The following ASIC2 variants were observed in gnomAD, a reference collection of about 807,000 sequenced individuals.
ASIC2 encodes acid sensing ion channel subunit 2.
In ASIC2, 25 loss-of-function variants were observed where a neutral mutation model predicts 57.3. That is an observed-to-expected ratio of 0.44 (90% CI 0.32 to 0.61). The LOEUF is 0.61. Ranked by LOEUF, ASIC2 falls within the 20% of genes least tolerant of loss-of-function variation. ASIC2 has a pLI of 0.06. For missense variants in ASIC2, 641 were observed against 738.1 expected, an observed-to-expected ratio of 0.87 and a Z score of 1.52; for synonymous variants, 319 against 307.5, an observed-to-expected ratio of 1.04 and a Z score of -0.39.
chr17:34,008,511 C>A (rs765873889), intron 1 of ASIC2, among the ~76,000 whole-genome samples: 1 of 152,144 alleles, frequency 6.6e-6, no homozygotes, highest in Non-Finnish European at 1.5e-5. Context: ...TCCCTACAAA[C>A]CATGCCATGA....
At chr17:34,053,625 G>A (rs1028664536) in intron 1 of ASIC2, among the ~76,000 whole-genome samples, 1 of 152,136 alleles carries the variant, frequency 6.6e-6, no homozygotes, top group Non-Finnish European at 1.5e-5. Context: ...TGTGTGACAG[G>A]TAAGATTTAA....
chr17:33,597,527 T>C (rs74467553), intron 1 of ASIC2, among the ~76,000 whole-genome samples: 732 of 152,314 alleles, frequency 4.8e-3, no homozygotes, highest in Middle Eastern at 0.01. Context: ...CTTAGCTTTT[T>C]TTTTCAAGAA....
At chr17:33,975,909 G>T (rs1462661127) in intron 1 of ASIC2, among the ~76,000 whole-genome samples, 1 of 151,888 alleles carries the variant, frequency 6.6e-6, no homozygotes, top group Middle Eastern at 3.4e-3. Context: ...CTCCTTTTAC[G>T]GTACCATGTT....
intron 1 of ASIC2, among the ~76,000 whole-genome samples, chr17:33,536,275 C>T (rs1247200212): frequency 6.6e-6 from 1 of 152,142 alleles, no homozygotes. Context: ...TTTCCTTTGC[C>T]CCCACATCCT....
At chr17:33,301,105 C>T (rs1045974946) in intron 1 of ASIC2, among the ~76,000 whole-genome samples, 2 of 151,986 alleles carry the variant, frequency 1.3e-5, no homozygotes, top group African/African-American at 2.4e-5. Context: ...TCTCGACTCA[C>T]GGCAACCTCC....
At chr17:34,039,735 A>G in intron 1 of ASIC2, 2 of 1,612,136 alleles carry the variant, frequency 1.2e-6, no homozygotes, top group Non-Finnish European at 1.7e-6. Flanking sequence ...CTTCTTTATC[A>G]CTCAAGGATC....
chr17:33,972,705 G>A (rs1905256499), intron 1 of ASIC2, among the ~76,000 whole-genome samples: 1 of 152,244 alleles, frequency 6.6e-6, no homozygotes, highest in Admixed American at 6.5e-5. Context: ...TATAAGACTA[G>A]CTCCTGCCAC....
chr17:33,047,560 G>A (rs942160807), intron 3 of ASIC2, among the ~76,000 whole-genome samples: 4 of 151,982 alleles, frequency 2.6e-5, no homozygotes, highest in Admixed American at 6.5e-5. Flanking sequence ...GGCTGGTCTC[G>A]AATTCCTGGG....
intron 1 of ASIC2, among the ~76,000 whole-genome samples, chr17:33,773,294 C>A (rs976677275): frequency 6.6e-6 from 1 of 151,994 alleles, no homozygotes; most frequent in Admixed American, 6.5e-5. Flanking sequence ...AAGGAAAGCA[C>A]TTGCAATAAG....
rs573136818 is a variant in ASIC2 at position 33,041,635 on chromosome 17, G to A, written c.988-13243C>T. On this transcript the variant is annotated intron_variant, in intron 3 of 9. Coordinates refer to ENST00000225823, the MANE Select transcript of ASIC2 (RefSeq NM_183377.2). ...CACTGGAATTGACAATTCCCCTTTG[G>A]CTAGGGCTGGCTTAAATGCTCCTTC... Among the ~76,000 whole-genome samples the A allele has an allele frequency of 3.1e-3, 471 of 152,322 alleles. 4 individuals are homozygous for A. Among genetic ancestry groups the A allele is most frequent in the African/African-American group, 0.011 (445 of 41,562 alleles).
intron 1 of ASIC2, chr17:34,005,693 A>G (rs1906502196): frequency 1.3e-5 from 2 of 152,246 alleles, no homozygotes; most frequent in South Asian, 2.1e-4. Context: ...TTAGTCTTCA[A>G]CATGTAAACC....
At chr17:33,535,636 A>G (rs1915206099) in intron 1 of ASIC2, among the ~76,000 whole-genome samples, 1 of 152,034 alleles carries the variant, frequency 6.6e-6, no homozygotes, top group Non-Finnish European at 1.5e-5. Context: ...TCCTCTCTCT[A>G]TCGCCTCCTG....
At chr17:33,814,958 A>G (rs896929626) in intron 1 of ASIC2, among the ~76,000 whole-genome samples, 38 of 152,196 alleles carry the variant, frequency 2.5e-4, no homozygotes, top group South Asian at 4.2e-4. Flanking sequence ...AAAAAAGTGC[A>G]TATGTGTCTG....
chr17:33,300,716 T>C (rs1475844215), intron 1 of ASIC2, among the ~76,000 whole-genome samples: 1 of 152,210 alleles, frequency 6.6e-6, no homozygotes, highest in African/African-American at 2.4e-5. Context: ...CATGCCTTGG[T>C]TGGCAGAGAG....
At chr17:34,153,565 T>C (rs1904606573) in intron 1 of ASIC2, among the ~76,000 whole-genome samples, 1 of 152,226 alleles carries the variant, frequency 6.6e-6, no homozygotes, top group South Asian at 2.1e-4. Flanking sequence ...CTCAGCATCA[T>C]GTTCCCTCTA....
chr17:33,127,226 A>G (rs191056527), intron 1 of ASIC2, among the ~76,000 whole-genome samples: 462 of 152,286 alleles, frequency 3.0e-3, no homozygotes, highest in African/African-American at 0.01. Context: ...ATGAGAGGCT[A>G]AACAACTCTC....
intron 1 of ASIC2, among the ~76,000 whole-genome samples, chr17:34,019,671 G>C (rs766713095): frequency 1.1e-4 from 17 of 152,198 alleles, no homozygotes; most frequent in Admixed American, 2.0e-4. Context: ...CTACAGTATA[G>C]TGTAACAATA....
rs139858857 is a variant in ASIC2 at position 33,695,644 on chromosome 17, G to T, written c.555+460334C>A. ...CACTGGACAATTAAGCAGATGAAAAGTTTTGTTTGTTTTTGTATCAGACAG... is the reference window on the plus strand; with the variant it reads ...CACTGGACAATTAAGCAGATGAAAATTTTTGTTTGTTTTTGTATCAGACAG... On this transcript the variant is annotated intron_variant, in intron 1 of 9. Coordinates refer to the ASIC2 transcript ENST00000359872. 3.7e-4 allele frequency among the ~76,000 whole-genome samples: 56 copies of T among 152,272 alleles called. 2 individuals are homozygous for T. The East Asian group carries it at 0.011, about 29-fold the overall frequency.
At chr17:33,353,277 G>A (rs751086903) in intron 1 of ASIC2, among the ~76,000 whole-genome samples, 16 of 152,084 alleles carry the variant, frequency 1.1e-4, no homozygotes, top group East Asian at 1.9e-4. Flanking sequence ...GCCCATTGCC[G>A]TGGTGGGAAC....
Sources: gnomAD v4.1 joint callset for allele counts (sites outside exome capture counted in the v4.1 genomes callset) on GRCh38, gnomAD v4.1.1 for gene constraint, MANE v1.5 for transcripts, NCBI Gene and HGNC (gene_info 2026-07-23, HGNC 2026-07-21) for gene names.